Variants in PCDHA11 observed in about 807,000 individuals in gnomAD.
PCDHA11 encodes the protein protocadherin alpha 11.
PCDHA11 carries 61 observed loss-of-function variants against 70.3 expected under a neutral mutation model. The ratio of observed to expected loss-of-function variants is 0.87; its 90% CI spans 0.71 to 1.07. The LOEUF (loss-of-function observed/expected upper bound fraction) is 1.07, where lower values mean the gene tolerates loss of function less well. Ranked by LOEUF, PCDHA11 falls within the 50% of genes least tolerant of loss-of-function variation. The pLI, the probability that PCDHA11 is intolerant of heterozygous loss-of-function variation, is 0.00. For missense variants in PCDHA11, 1,324 were observed against 1,237.5 expected, an observed-to-expected ratio of 1.07 and a Z score of -1.05; for synonymous variants, 633 against 555.1, an observed-to-expected ratio of 1.14 and a Z score of -1.97.
intron 1 of PCDHA11, among the ~76,000 whole-genome samples, chr5:140,898,172 G>A (rs1262400829): frequency 2.6e-5 from 4 of 152,162 alleles, no homozygotes; most frequent in African/African-American, 9.7e-5. Context: ...TTCTTTTGCT[G>A]TGCAGAAGCT....
At chr5:141,008,428 T>C (rs2098376052) in intron 3 of PCDHA11, among the ~76,000 whole-genome samples, 1 of 152,182 alleles carries the variant, frequency 6.6e-6, no homozygotes, top group Admixed American at 6.5e-5. Flanking sequence ...TGGGATCACT[T>C]TGCCCAGACA....
At chr5:140,993,463 CACACACACACACACACACA>C (rs1563592092) in intron 3 of PCDHA11, among the ~76,000 whole-genome samples, 163 of 7,580 alleles carry the variant, frequency 0.022, 1 homozygote, top group African/African-American at 0.091. Context: ...CTTTCTTTCT[CACACACACACACACACACA>C]CACACACACA....
rs782646556 is a variant in PCDHA11 at position 140,869,083 on chromosome 5, T to G, written c.-21T>G. 1.6e-5 allele frequency: 26 copies of G among 1,582,872 alleles called. No individual in the cohort carries two copies. The South Asian group carries it at 2.9e-4, about 18-fold the overall frequency. On this transcript the variant is annotated 5_prime_UTR_variant, in exon 1 of 4. Coordinates refer to ENST00000398640, the MANE Select transcript of PCDHA11 (RefSeq NM_018902.5). ...ACTGTAAGTGTAAAGAAGCTTATTT[T>G]GGAAGCCAATTTCGTATGCGATGTT...
intron 1 of PCDHA11, among the ~76,000 whole-genome samples, chr5:140,950,547 TGGG>T (rs1385873509): frequency 6.6e-6 from 1 of 152,064 alleles, no homozygotes; most frequent in Non-Finnish European, 1.5e-5. Flanking sequence ...CTTGCATGGC[TGGG>T]GGGACACTTA....
intron 2 of PCDHA11, among the ~76,000 whole-genome samples, chr5:140,982,082 C>G (rs188673632): frequency 6.6e-6 from 1 of 152,276 alleles, no homozygotes; most frequent in Admixed American, 6.5e-5. Flanking sequence ...AGTAGAGAAC[C>G]TAGGAACAAG....
At chr5:140,938,709 T>C (rs1473474040) in intron 1 of PCDHA11, among the ~76,000 whole-genome samples, 2 of 152,176 alleles carry the variant, frequency 1.3e-5, no homozygotes, top group African/African-American at 2.4e-5. Context: ...ATGTTTATGA[T>C]AGAAACGCGT....
intron 3 of PCDHA11, among the ~76,000 whole-genome samples, chr5:141,007,733 C>A (rs2098343034): frequency 6.6e-6 from 1 of 152,180 alleles, no homozygotes; most frequent in African/African-American, 2.4e-5. Flanking sequence ...CAAAGGTTAA[C>A]CACTGAAGAT....
chr5:140,876,195 G>T lies in PCDHA11; in HGVS notation c.2391+4701G>T, dbSNP rs1554168359. On this transcript the variant is annotated intron_variant, in intron 1 of 3. Transcript: ENST00000398640. The stretch of plus-strand genomic sequence containing the variant: ...TGGATGTGAATGACAATGGTCCGGC[G>T]TTTGATAAGCCCAGCTATAAAGTAG... 4 of 1,613,946 alleles carry T rather than the reference G, an allele frequency of 2.5e-6. No homozygotes were observed. In the South Asian group the frequency reaches 4.4e-5, roughly 18 times the overall value.
chr5:140,933,333 A>G (rs1215342457), intron 1 of PCDHA11, among the ~76,000 whole-genome samples: 1 of 152,032 alleles, frequency 6.6e-6, no homozygotes, highest in Non-Finnish European at 1.5e-5. Flanking sequence ...TGTGCTGTAG[A>G]GAAAGATAAA....
chr5:140,991,086 T>C (rs2097431989), intron 3 of PCDHA11, among the ~76,000 whole-genome samples: 1 of 152,206 alleles, frequency 6.6e-6, no homozygotes, highest in African/African-American at 2.4e-5. Context: ...ATAAAAAAAT[T>C]AAAGCTCATA....
chr5:141,003,469 A>G (rs536017033), intron 3 of PCDHA11, among the ~76,000 whole-genome samples: 53 of 152,106 alleles, frequency 3.5e-4, no homozygotes, highest in Admixed American at 2.3e-3. Flanking sequence ...GCACCACCAC[A>G]GTCTCGCTAA....
intron 1 of PCDHA11, among the ~76,000 whole-genome samples, chr5:140,910,949 C>T (rs1413845849): frequency 1.3e-5 from 2 of 152,112 alleles, no homozygotes; most frequent in African/African-American, 2.4e-5. Context: ...CAGTTCTTTT[C>T]GAGTGTAGCA....
rs781785142 is a variant in PCDHA11, at chr5:140,871,450, G to A, written c.2347G>A (p.Glu783Lys). 4 of 1,608,718 alleles carry A rather than the reference G, an allele frequency of 2.5e-6. No individual in the cohort carries two copies. The highest frequency in any genetic ancestry group is 2.2e-5 in the South Asian group (2 of 90,488). ...TCTTCCTCTAGGTCTGAATAAAGAG[G>A]AGGAAGGGGAAAGACAGGAGCCAGG... ...PSLPLGLNKE[E>K]EGERQEPGSN... is the part of the protein sequence containing the mutation. The change falls in exon 1 of 4, where the codon GAG becomes AAG. Residue 783 changes from glutamate to lysine, a missense_variant. By Grantham distance (56) the Glu-to-Lys change is moderately conservative. Coordinates refer to ENST00000398640, the MANE Select transcript of PCDHA11 (RefSeq NM_018902.5).
At chr5:140,993,577 T>A (rs1215999612) in intron 3 of PCDHA11, among the ~76,000 whole-genome samples, 1 of 151,978 alleles carries the variant, frequency 6.6e-6, no homozygotes, top group African/African-American at 2.4e-5. Flanking sequence ...CTAGGGATGC[T>A]TTTCTTGGCT....
At chr5:140,912,164 C>G (rs1554195175) in intron 1 of PCDHA11, among the ~76,000 whole-genome samples, 1 of 152,158 alleles carries the variant, frequency 6.6e-6, no homozygotes, top group Non-Finnish European at 1.5e-5. Flanking sequence ...TTTATTCTGG[C>G]TGTGCTGGCA....
intron 1 of PCDHA11, among the ~76,000 whole-genome samples, chr5:140,957,031 TG>T (rs1436652232): frequency 6.6e-6 from 1 of 152,182 alleles, no homozygotes; most frequent in Non-Finnish European, 1.5e-5. Flanking sequence ...TAGATATTTA[TG>T]GGAGTCATAT....
chr5:140,873,875 G>T (rs977504739), intron 1 of PCDHA11, among the ~76,000 whole-genome samples: 2 of 152,104 alleles, frequency 1.3e-5, no homozygotes, highest in African/African-American at 4.8e-5. Context: ...TGGCCAGGCT[G>T]GTCTTGAACT....
intron 1 of PCDHA11, among the ~76,000 whole-genome samples, chr5:140,973,636 T>C (rs535388717): frequency 6.6e-6 from 1 of 152,234 alleles, no homozygotes; most frequent in Non-Finnish European, 1.5e-5. Flanking sequence ...CTTGTACACA[T>C]TCTGACTGAA....
In PCDHA11 at chr5:140,875,579, A is replaced by C. The variant is rs552791418; in HGVS notation, c.2391+4085A>C. ...AGCGGCCAGCTCCACTACTCCGTCTACGAGGAGGCCAAACACGGCACCTTC... is the reference window on the plus strand; with the variant it reads ...AGCGGCCAGCTCCACTACTCCGTCTCCGAGGAGGCCAAACACGGCACCTTC... On this transcript the variant is annotated intron_variant, in intron 1 of 3. Coordinates refer to ENST00000398640, the MANE Select transcript of PCDHA11 (RefSeq NM_018902.5). The C allele has an allele frequency of 9.3e-6, 15 of 1,614,050 alleles. No individual in the cohort carries two copies. Among genetic ancestry groups the C allele is most frequent in the East Asian group, 6.7e-5 (3 of 44,884 alleles).
Sources: allele counts gnomAD v4.1 joint callset (sites outside exome capture counted in the v4.1 genomes callset), GRCh38; gene constraint gnomAD v4.1.1; transcripts MANE v1.5; gene names NCBI Gene and HGNC (gene_info 2026-07-23, HGNC 2026-07-21).